The following CBLB variants were observed in gnomAD, a reference collection of about 807,000 sequenced individuals.
CBLB encodes the protein Cbl proto-oncogene B.
In CBLB, 31 loss-of-function variants were observed where a neutral mutation model predicts 104.9. The observed-to-expected ratio is 0.30, with a 90% CI of 0.22 to 0.40. The LOEUF is 0.40. CBLB is among the 10% of genes least tolerant of loss of function. The pLI, the probability that CBLB is intolerant of heterozygous loss-of-function variation, is 1.00. For synonymous variants in CBLB, 440 were observed against 422.6 expected (o/e 1.04, Z -0.51); for missense variants, 1,062 against 1,214.6 (o/e 0.87, Z 1.87).
chr3:105,678,621 A>C (rs2065932696), intron 16 of CBLB, 50 bp from the exon 17 acceptor site: 40 of 1,550,366 alleles, frequency 2.6e-5, no homozygotes, highest in Non-Finnish European at 3.4e-5. Context: ...ATTAATCAAA[A>C]TACACAGCAT....
chr3:105,843,199 A>C (rs2089791959), intron 3 of CBLB, among the ~76,000 whole-genome samples: 1 of 152,212 alleles, frequency 6.6e-6, no homozygotes, highest in Admixed American at 6.5e-5. Flanking sequence ...AAACCATTCA[A>C]CATGCCACTT....
intron 4 of CBLB, among the ~76,000 whole-genome samples, chr3:105,753,055 G>C (rs1387866007): frequency 6.6e-6 from 1 of 152,176 alleles, no homozygotes; most frequent in African/African-American, 2.4e-5. Flanking sequence ...AATCTAGAGT[G>C]GGGTATGTAA....
chr3:105,712,549 G>A (rs1362900218), intron 10 of CBLB, among the ~76,000 whole-genome samples: 2 of 152,176 alleles, frequency 1.3e-5, no homozygotes, highest in Admixed American at 1.3e-4. Flanking sequence ...AGCTAAAGCT[G>A]GTTGGAACAA....
intron 16 of CBLB, among the ~76,000 whole-genome samples, chr3:105,679,424 T>C (rs1191693201): frequency 4.1e-5 from 6 of 147,484 alleles, no homozygotes; most frequent in Admixed American, 4.0e-4. Context: ...CATAAACACA[T>C]ATTCTAATAA....
At chr3:105,868,678 C>T (rs552336556) in intron 1 of CBLB, 58 bp downstream of exon 1, 35 of 990,870 alleles carry the variant, frequency 3.5e-5, no homozygotes, top group Non-Finnish European at 4.1e-5. Context: ...CTGGCTACCC[C>T]GGGCCCCCGG....
chr3:105,705,612 G>A (rs1297743999), intron 10 of CBLB, among the ~76,000 whole-genome samples: 1 of 152,174 alleles, frequency 6.6e-6, no homozygotes, highest in African/African-American at 2.4e-5. Flanking sequence ...GACCACGGAA[G>A]TAAAGTGTCA....
chr3:105,708,822 G>C (rs144943586), intron 10 of CBLB, among the ~76,000 whole-genome samples: 94 of 151,998 alleles, frequency 6.2e-4, no homozygotes, highest in African/African-American at 2.1e-3. Context: ...TAAACATTAT[G>C]TAAAATAAAT....
At chr3:105,714,327 T>C (rs544786031) in intron 10 of CBLB, among the ~76,000 whole-genome samples, 2 of 152,270 alleles carry the variant, frequency 1.3e-5, no homozygotes, top group Middle Eastern at 3.4e-3. Flanking sequence ...GATTCAAATG[T>C]GTTACATTTA....
intron 3 of CBLB, among the ~76,000 whole-genome samples, chr3:105,816,992 A>G (rs1463568569): frequency 6.6e-6 from 1 of 152,206 alleles, no homozygotes; most frequent in Non-Finnish European, 1.5e-5. Flanking sequence ...CTAAAGGCTT[A>G]TGGAAGAGCT....
At chr3:105,824,682 A>C (rs2086334802) in intron 3 of CBLB, among the ~76,000 whole-genome samples, 1 of 152,102 alleles carries the variant, frequency 6.6e-6, no homozygotes. Flanking sequence ...TTTTATGCCA[A>C]CTGTGGGATT....
intron 4 of CBLB, among the ~76,000 whole-genome samples, chr3:105,753,669 G>A (rs190812799): frequency 1.6e-4 from 24 of 152,190 alleles, no homozygotes; most frequent in African/African-American, 3.9e-4. Flanking sequence ...AGTATACAAC[G>A]TAAAGTGGTC....
chr3:105,788,000 T>G (rs2081217581), intron 3 of CBLB, among the ~76,000 whole-genome samples: 1 of 152,190 alleles, frequency 6.6e-6, no homozygotes, highest in Non-Finnish European at 1.5e-5. Context: ...GAATGGAATA[T>G]GCCCACTGGG....
At position 105,864,265 on chromosome 3, in the gene CBLB, T is replaced by A. The variant is rs561865460; in HGVS notation, c.168+3145A>T. On this transcript the variant is annotated intron_variant, in intron 2 of 18. Transcript: ENST00000394030. Reference sequence around the variant, plus strand: ...CTCTGATACTGTTCTCTGAGTTCCTTGACAGGTCAAAGGCGGGATTATGTC... The same window carrying A: ...CTCTGATACTGTTCTCTGAGTTCCTAGACAGGTCAAAGGCGGGATTATGTC... Among the ~76,000 whole-genome samples the A allele has an allele frequency of 5.3e-5, 8 of 152,314 alleles. No homozygotes were observed. The South Asian group carries it at 1.7e-3, about 32-fold the overall frequency.
chr3:105,730,480 T>C (rs1034797247), intron 9 of CBLB, among the ~76,000 whole-genome samples: 4 of 152,146 alleles, frequency 2.6e-5, no homozygotes, highest in African/African-American at 9.6e-5. Context: ...TTACCTAGCA[T>C]GCAATCTATA....
At chr3:105,829,666 CAAAAAAAAAAAA>C (rs71627689) in intron 3 of CBLB, among the ~76,000 whole-genome samples, 3 of 46,982 alleles carry the variant, frequency 6.4e-5, no homozygotes, top group African/African-American at 1.5e-4. Context: ...AAGACCGTCC[CAAAAAAAAAAAA>C]AAAAAAAAAA....
chr3:105,806,255 T>A (rs1453817956), intron 3 of CBLB, among the ~76,000 whole-genome samples: 1 of 152,158 alleles, frequency 6.6e-6, no homozygotes, highest in Non-Finnish European at 1.5e-5. Flanking sequence ...TTACATATAG[T>A]ATGTGTTGAA....
chr3:105,771,412 C>T (rs1399080229), intron 4 of CBLB, among the ~76,000 whole-genome samples: 1 of 152,072 alleles, frequency 6.6e-6, no homozygotes, highest in Non-Finnish European at 1.5e-5. Flanking sequence ...TATGTCAAAT[C>T]TATAGCTAAC....
intron 3 of CBLB, among the ~76,000 whole-genome samples, chr3:105,804,634 T>G (rs1283191075): frequency 1.3e-5 from 2 of 152,136 alleles, no homozygotes; most frequent in African/African-American, 4.8e-5. Flanking sequence ...ATTCATTATA[T>G]TTGCTTATTT....
intron 10 of CBLB, among the ~76,000 whole-genome samples, chr3:105,713,844 A>G (rs2071455958): frequency 1.3e-5 from 2 of 152,142 alleles, no homozygotes; most frequent in Non-Finnish European, 2.9e-5. Flanking sequence ...CTATGGTCAG[A>G]ATAATTCTTT....
Sources: gnomAD v4.1 joint callset for allele counts (sites outside exome capture counted in the v4.1 genomes callset) on GRCh38, gnomAD v4.1.1 for gene constraint, MANE v1.5 for transcripts, NCBI Gene and HGNC (gene_info 2026-07-23, HGNC 2026-07-21) for gene names.